The following PARD3 variants were observed in gnomAD, a reference collection of about 807,000 sequenced individuals.
PARD3 encodes par-3 family cell polarity regulator.
A neutral mutation model predicts 155.4 loss-of-function variants in PARD3; 75 were observed. The ratio of observed to expected loss-of-function variants is 0.48; its 90% CI spans 0.40 to 0.58. The LOEUF (loss-of-function observed/expected upper bound fraction) is 0.58, where lower values mean the gene tolerates loss of function less well. Ranked by LOEUF, PARD3 falls within the 20% of genes least tolerant of loss-of-function variation. The pLI, the probability that PARD3 is intolerant of heterozygous loss-of-function variation, is 0.00. For synonymous variants in PARD3, 576 were observed against 610.5 expected, an observed-to-expected ratio of 0.94 and a Z score of 0.83; for missense variants, 1,642 against 1,721.7, an observed-to-expected ratio of 0.95 and a Z score of 0.82.
At chr10:34,581,234 C>CTTTTTTTTTTTTTTTTTTTTTT (rs779658592) in intron 2 of PARD3, among the ~76,000 whole-genome samples, 4 of 101,274 alleles carry the variant, frequency 3.9e-5, no homozygotes, top group Non-Finnish European at 7.4e-5. Flanking sequence ...TTTTTCTTTT[C>CTTTTTTTTTTTTTTTTTTTTTT]TTTTTTTTTT....
At chr10:34,222,541 T>C (rs954227774) in intron 22 of PARD3, among the ~76,000 whole-genome samples, 16 of 152,246 alleles carry the variant, frequency 1.1e-4, no homozygotes, top group Non-Finnish European at 1.8e-4. Flanking sequence ...CTTTCTGGCA[T>C]AACCAGGATA....
At chr10:34,311,066 A>T (rs1957673522) in intron 20 of PARD3, among the ~76,000 whole-genome samples, 1 of 152,204 alleles carries the variant, frequency 6.6e-6, no homozygotes, top group African/African-American at 2.4e-5. Context: ...GGTCCAAGTC[A>T]TAAAAAACTA....
At chr10:34,194,596 C>T (rs1950857574) in intron 22 of PARD3, among the ~76,000 whole-genome samples, 1 of 150,408 alleles carries the variant, frequency 6.6e-6, no homozygotes, top group South Asian at 2.1e-4. Context: ...TATGAATACC[C>T]TGGAATATGC....
chr10:34,540,131 C>A (rs1232485323), intron 2 of PARD3, among the ~76,000 whole-genome samples: 2 of 152,152 alleles, frequency 1.3e-5, no homozygotes, highest in Admixed American at 6.5e-5. Flanking sequence ...AAGGCTTCTT[C>A]ATGCTGCCTG....
chr10:34,435,776 G>C (rs1282453443), intron 5 of PARD3, among the ~76,000 whole-genome samples: 2 of 152,162 alleles, frequency 1.3e-5, no homozygotes, highest in Admixed American at 6.5e-5. Context: ...AAATTACAAA[G>C]CACCCCGCTT....
chr10:34,552,061 C>T (rs1275311265), intron 2 of PARD3, among the ~76,000 whole-genome samples: 1 of 152,144 alleles, frequency 6.6e-6, no homozygotes, highest in Non-Finnish European at 1.5e-5. Flanking sequence ...AAAAAGACCT[C>T]TAATCCTATT....
rs112755994 is a variant in PARD3 at position 34,645,855 on chromosome 10, T to C, written c.222+50463A>G. ...AAAACGTGTTACTATATCTGACATGTTCTAATTCTTCCCCGTTTTATTTTT... is the reference window on the plus strand; with the variant it reads ...AAAACGTGTTACTATATCTGACATGCTCTAATTCTTCCCCGTTTTATTTTT... On this transcript the variant is annotated intron_variant, in intron 2 of 24. Coordinates refer to ENST00000374788, the MANE Select transcript of PARD3 (RefSeq NM_001184785.2). Among the ~76,000 whole-genome samples the C allele has an allele frequency of 6.9e-4, 105 of 152,342 alleles. 1 individual carries two copies. The highest frequency in any genetic ancestry group is 2.5e-3 in the African/African-American group (102 of 41,582).
intron 2 of PARD3, among the ~76,000 whole-genome samples, chr10:34,669,950 A>G (rs1348242482): frequency 6.6e-6 from 1 of 152,252 alleles, no homozygotes; most frequent in African/African-American, 2.4e-5. Context: ...CTATGTGTCT[A>G]AAAGATTTAT....
intron 7 of PARD3, among the ~76,000 whole-genome samples, chr10:34,397,196 G>C (rs1791391123): frequency 6.6e-6 from 1 of 151,994 alleles, no homozygotes; most frequent in South Asian, 2.1e-4. Flanking sequence ...GGGATCTCTG[G>C]GTTCTTGGAG....
chr10:34,171,907 G>C (rs998518967), intron 22 of PARD3, among the ~76,000 whole-genome samples: 2 of 127,964 alleles, frequency 1.6e-5, no homozygotes, highest in Non-Finnish European at 3.1e-5. Flanking sequence ...TCAAGACTGA[G>C]CCACGGCATT....
chr10:34,318,381 T>C (rs935249210), intron 19 of PARD3, among the ~76,000 whole-genome samples: 1 of 152,206 alleles, frequency 6.6e-6, no homozygotes, highest in African/African-American at 2.4e-5. Flanking sequence ...TCTTAAGTCA[T>C]TTTTCTTTTT....
intron 22 of PARD3, among the ~76,000 whole-genome samples, chr10:34,225,527 G>C (rs71487357): frequency 1.3e-5 from 2 of 152,172 alleles, no homozygotes; most frequent in East Asian, 1.9e-4. Flanking sequence ...TGTATTTCTA[G>C]TTGAGACAAG....
chr10:34,317,247 CATTT>C lies in PARD3; in HGVS notation c.2921_2924del (p.Gln974ArgfsTer33). On this transcript the variant is annotated frameshift_variant, in exon 20 of 25. Coordinates refer to ENST00000374788, the MANE Select transcript of PARD3 (RefSeq NM_001184785.2). LOFTEE classifies it high-confidence loss of function. ...TATCACCTTTCTCTTGGTTTCCATT[CATTT>C]GTCTCTCCAGAGAGTGGGAAGGCTG... The C allele has an allele frequency of 6.2e-7, 1 of 1,613,626 alleles. No individual in the cohort carries two copies. The highest frequency in any genetic ancestry group is 1.3e-5 in the African/African-American group (1 of 74,936).
chr10:34,316,890 CTTTTA>C (rs1160365406), intron 20 of PARD3, among the ~76,000 whole-genome samples: 1 of 151,744 alleles, frequency 6.6e-6, no homozygotes, highest in African/African-American at 2.4e-5. Context: ...GCTTTCAGTG[CTTTTA>C]TTTATTTATT....
At chr10:34,618,563 TA>T (rs796732240) in intron 2 of PARD3, among the ~76,000 whole-genome samples, 8 of 148,660 alleles carry the variant, frequency 5.4e-5, no homozygotes, top group South Asian at 2.1e-4. Context: ...CAATTCATTT[TA>T]AAAAAAAAAC....
chr10:34,460,761 A>G (rs1363141650), intron 4 of PARD3, among the ~76,000 whole-genome samples: 1 of 152,138 alleles, frequency 6.6e-6, no homozygotes, highest in Non-Finnish European at 1.5e-5. Flanking sequence ...TGAACCTGGG[A>G]GGCAGAGCTT....
intron 2 of PARD3, among the ~76,000 whole-genome samples, chr10:34,669,049 G>A (rs544035921): frequency 3.3e-5 from 5 of 152,230 alleles, no homozygotes; most frequent in Admixed American, 3.3e-4. Flanking sequence ...AAAACAGCAT[G>A]GAGATTTCCC....
intron 1 of PARD3, among the ~76,000 whole-genome samples, chr10:34,777,722 G>A (rs1839762443): frequency 1.3e-5 from 2 of 151,566 alleles, no homozygotes; most frequent in South Asian, 4.2e-4. Flanking sequence ...TAAGAGATGG[G>A]GGTTTTGCTT....
intron 3 of PARD3, among the ~76,000 whole-genome samples, chr10:34,509,186 G>C (rs149813918): frequency 6.6e-6 from 1 of 152,254 alleles, no homozygotes; most frequent in African/African-American, 2.4e-5. Flanking sequence ...AACCCCAACA[G>C]TTATGTAGAA....
Sources: allele counts gnomAD v4.1 joint callset (sites outside exome capture counted in the v4.1 genomes callset), GRCh38; gene constraint gnomAD v4.1.1; transcripts MANE v1.5; gene names NCBI Gene and HGNC (gene_info 2026-07-23, HGNC 2026-07-21).